Variants in AATK observed in about 807,000 individuals in gnomAD.
AATK encodes lemur tail kinase 1.
A neutral mutation model predicts 114.3 loss-of-function variants in AATK; 91 were observed. The ratio of observed to expected loss-of-function variants is 0.80; its 90% CI spans 0.67 to 0.95. The LOEUF (loss-of-function observed/expected upper bound fraction) is 0.95, where lower values mean the gene tolerates loss of function less well. AATK is among the 40% of genes least tolerant of loss of function. The probability of loss-of-function intolerance (pLI) is 0.00; values close to 1 mark genes in which losing one functional copy is unlikely to be tolerated. For missense variants in AATK, 2,176 were observed against 1,965.2 expected (o/e 1.11, Z -2.03); for synonymous variants, 1,075 against 916.5 (o/e 1.17, Z -3.12).
Position 81,117,347 on chromosome 17 carries a change from T to C in AATK, c.*1055A>G, listed in dbSNP as rs2146263441. On this transcript the variant is annotated 3_prime_UTR_variant, in exon 14 of 14. Transcript: ENST00000326724. ...TAAAAAACAAGGAACAAGAAAACATTGCACCAGCGTTCTAAGCCTCAAACA... is the reference window on the plus strand; with the variant it reads ...TAAAAAACAAGGAACAAGAAAACATCGCACCAGCGTTCTAAGCCTCAAACA... 6.6e-6 allele frequency: 1 copy of C among 152,418 alleles called. No individual in the cohort carries two copies. The highest frequency in any genetic ancestry group is 6.5e-5 in the Admixed American group (1 of 15,308). 9.4% of individuals were successfully genotyped at this position (152,418 alleles called of 1,614,324 possible).
At position 81,120,529 on chromosome 17, in the gene AATK, G is replaced by T. The variant is rs1387901618; in HGVS notation, c.3407C>A (p.Pro1136Gln). 23 of 1,484,170 alleles carry T rather than the reference G, an allele frequency of 1.5e-5. No individual in the cohort carries two copies. Among genetic ancestry groups the T allele is most frequent in the Non-Finnish European group, 2.1e-5 (23 of 1,116,478 alleles). 91.9% of individuals were successfully genotyped at this position (1,484,170 alleles called of 1,614,324 possible). ...GCGGAGTGGGGCTCTGGGGGTGCCTGGGCCCCCCATCCGCTTTTGTGGGGC... is the reference window on the plus strand; with the variant it reads ...GCGGAGTGGGGCTCTGGGGGTGCCTTGGCCCCCCATCCGCTTTTGTGGGGC... ...GPAPQKRMGG[P>Q]GTPRAPLRLA... Residue 1136 changes from proline (P) to glutamine (Q), a missense_variant, in exon 11 of 14, where the codon CCA (proline) becomes CAA (glutamine). Transcript: ENST00000326724.
At chr17:81,163,762 G>A (rs1055630239) in intron 1 of AATK, among the ~76,000 whole-genome samples, 11 of 152,234 alleles carry the variant, frequency 7.2e-5, no homozygotes, top group African/African-American at 2.7e-4. Flanking sequence ...ACTATCGGGC[G>A]TCTCTGCCCC....
Position 81,122,665 on chromosome 17 carries a change from A to ACGCCGCCCC in AATK, c.1262_1270dup (p.Gly421_Gly423dup), listed in dbSNP as rs937651945. On this transcript the variant is annotated inframe_insertion, in exon 11 of 14. Coordinates refer to ENST00000326724, the MANE Select transcript of AATK (RefSeq NM_001080395.3). ...CCCCGCCGCACCGGGCCCGGGCCCC[A>ACGCCGCCCC]CGCCGCCCCCGCCGGGCCGCAGAGA... 1.1e-5 allele frequency: 16 copies of ACGCCGCCCC among 1,505,636 alleles called. No homozygotes were observed. Among genetic ancestry groups the ACGCCGCCCC allele is most frequent in the African/African-American group, 2.9e-5 (2 of 69,732 alleles). 93.3% of individuals were successfully genotyped at this position (1,505,636 alleles called of 1,614,324 possible).
At chr17:81,131,703 G>A (rs73367972) in intron 2 of AATK, among the ~76,000 whole-genome samples, 2 of 152,036 alleles carry the variant, frequency 1.3e-5, no homozygotes, top group Non-Finnish European at 2.9e-5. Context: ...CCCACATCCC[G>A]AGCAGCCCCT....
At chr17:81,134,111 C>A (rs1004370572) in intron 2 of AATK, among the ~76,000 whole-genome samples, 1 of 152,200 alleles carries the variant, frequency 6.6e-6, no homozygotes, top group African/African-American at 2.4e-5. Flanking sequence ...GGGCCCAACC[C>A]CAGGCTGGAG....
chr17:81,124,245 C>T (rs1039169897), intron 9 of AATK, among the ~76,000 whole-genome samples: 1 of 133,844 alleles, frequency 7.5e-6, no homozygotes, highest in Non-Finnish European at 1.7e-5. Flanking sequence ...CCTGGCGGCT[C>T]GGCCCTGCCC....
At chr17:81,138,338 C>G (rs1243620964) in intron 1 of AATK, among the ~76,000 whole-genome samples, 1 of 150,284 alleles carries the variant, frequency 6.7e-6, no homozygotes, top group Non-Finnish European at 1.5e-5. Flanking sequence ...CACACATGCA[C>G]ACCCACACAT....
rs1284443864 is a variant in AATK, at chr17:81,117,322, TAAA to T, written c.*1077_*1079del. ...TCTTTTGTCTTAGCTTCATTTCTCT[TAAA>T]AAACAAGGAACAAGAAAACATTGCA... On this transcript the variant is annotated 3_prime_UTR_variant, in exon 14 of 14. Coordinates refer to ENST00000326724, the MANE Select transcript of AATK (RefSeq NM_001080395.3). 1 of 152,206 alleles carries T rather than the reference TAAA, an allele frequency of 6.6e-6. No individual in the cohort carries two copies. The highest frequency in any genetic ancestry group is 1.5e-5 in the Non-Finnish European group (1 of 68,032). 9.4% of individuals were successfully genotyped at this position (152,206 alleles called of 1,614,324 possible). A position where few individuals can be genotyped will look rare whatever the true frequency, so the allele number is the denominator to read the frequency against.
chr17:81,128,676 C>T lies in AATK; in HGVS notation c.335-127G>A, dbSNP rs546271825. On this transcript the variant is annotated intron_variant, in intron 3 of 13. Coordinates refer to ENST00000326724, the MANE Select transcript of AATK (RefSeq NM_001080395.3). Reference sequence around the variant, plus strand: ...AACTGTCCTGAGTCCCTAGCACCAGCTGGCAACCTTGGGGCCACCATCAGG... The same window carrying T: ...AACTGTCCTGAGTCCCTAGCACCAGTTGGCAACCTTGGGGCCACCATCAGG... 2.7e-6 allele frequency: 4 copies of T among 1,488,560 alleles called. No homozygotes were observed. In the African/African-American group the frequency reaches 5.6e-5, roughly 21 times the overall value. The allele number at this position is 1,488,560 out of a possible 1,614,324, so 92.2% of individuals were successfully genotyped here.
chr17:81,133,190 G>A (rs769492830), intron 2 of AATK: 1 of 484,912 alleles, frequency 2.1e-6, no homozygotes, highest in Non-Finnish European at 4.3e-6. Flanking sequence ...CTCACTGGTT[G>A]ATGGGGCCTG....
chr17:81,119,821 C>T, intron 12 of AATK, 115 bp downstream of exon 12: 5 of 1,349,342 alleles, frequency 3.7e-6, no homozygotes, highest in Non-Finnish European at 4.8e-6. Flanking sequence ...GCCTCCCACG[C>T]GTCAAGGACC....
intron 1 of AATK, among the ~76,000 whole-genome samples, chr17:81,150,818 G>A (rs1355812499): frequency 6.6e-6 from 1 of 152,202 alleles, no homozygotes; most frequent in Non-Finnish European, 1.5e-5. Flanking sequence ...TGGCACCAGG[G>A]TCCCCTTTCC....
At chr17:81,138,862 C>T (rs1020405171) in intron 1 of AATK, among the ~76,000 whole-genome samples, 2 of 151,902 alleles carry the variant, frequency 1.3e-5, no homozygotes, top group African/African-American at 2.4e-5. Flanking sequence ...ATAACACGCA[C>T]ACATGTGCAC....
At chr17:81,133,458 G>A (rs1263099412) in intron 2 of AATK, 3 of 295,524 alleles carry the variant, frequency 1.0e-5, no homozygotes. Context: ...AGGGTGCTGT[G>A]CGCGCTGCAG....
At chr17:81,163,331 G>C (rs2146427590) in intron 1 of AATK, among the ~76,000 whole-genome samples, 1 of 152,292 alleles carries the variant, frequency 6.6e-6, no homozygotes, top group East Asian at 1.9e-4. Context: ...CACTCAGGTA[G>C]AAGGGGTGAC....
In AATK at chr17:81,166,061, AGCC is replaced by A; in HGVS notation, c.-72_-70del. 8.7e-7 allele frequency: 1 copy of A among 1,154,354 alleles called. No homozygotes were observed. Among genetic ancestry groups the A allele is most frequent in the Admixed American group, 4.8e-5 (1 of 20,626 alleles). 71.5% of individuals were successfully genotyped at this position (1,154,354 alleles called of 1,614,324 possible). On this transcript the variant is annotated 5_prime_UTR_variant, in exon 1 of 14. Coordinates refer to ENST00000326724, the MANE Select transcript of AATK (RefSeq NM_001080395.3). ...TCAGGACGCCCGCGGCCCCGGCCCG[AGCC>A]GCCGCATCACCCAGCGGCCGCCGCA...
Position 81,121,647 on chromosome 17 carries a change from G to T in AATK, c.2289C>A (p.Pro763=), listed in dbSNP as rs2060700950. The T allele has an allele frequency of 2.0e-6, 3 of 1,500,172 alleles. No individual in the cohort carries two copies. The East Asian group carries it at 7.1e-5, about 35-fold the overall frequency. The allele number at this position is 1,500,172 out of a possible 1,614,324, so 92.9% of individuals were successfully genotyped here. The change falls in exon 11 of 14, where the codon CCC becomes CCA. Residue 763 remains proline (P), a synonymous_variant. Transcript: ENST00000326724. The part of the protein sequence containing the change: ...GLAPAPCLVT[P]SWTETASSGG... ...CACTACTGGCTGTCTCTGTCCAGGA[G>T]GGTGTAACCAGGCAGGGAGCAGGTG...
chr17:81,146,443 C>T (rs534581460), intron 1 of AATK, among the ~76,000 whole-genome samples: 6 of 151,454 alleles, frequency 4.0e-5, no homozygotes, highest in East Asian at 2.0e-4. Context: ...CGGCAGGGCA[C>T]GGTGGCTCAC....
At chr17:81,145,264 AAAAAAG>A (rs1188944612) in intron 1 of AATK, among the ~76,000 whole-genome samples, 3 of 30,288 alleles carry the variant, frequency 9.9e-5, no homozygotes, top group East Asian at 1.1e-3. Context: ...AAAGAAAAAG[AAAAAAG>A]AAAAAAATAG....
Sources: allele counts gnomAD v4.1 joint callset (sites outside exome capture counted in the v4.1 genomes callset), GRCh38; gene constraint gnomAD v4.1.1; transcripts MANE v1.5; gene names NCBI Gene and HGNC (gene_info 2026-07-23, HGNC 2026-07-21).